The following MEGF11 variants were observed in gnomAD, a reference collection of about 807,000 sequenced individuals.
The protein encoded by MEGF11 is multiple EGF like domains 11.
In MEGF11, 126 loss-of-function variants were observed where a neutral mutation model predicts 146.6. The observed-to-expected ratio is 0.86, with a 90% CI of 0.74 to 1.00. The LOEUF is 1.00. Among genes scored for constraint, MEGF11 ranks in the 50% least tolerant of loss-of-function variants. MEGF11 has a pLI of 0.00. For missense variants in MEGF11, 1,509 were observed against 1,521.2 expected (o/e 0.99, Z 0.13); for synonymous variants, 532 against 583.4 (o/e 0.91, Z 1.27).
At chr15:66,078,004 C>T (rs1316746224) in intron 5 of MEGF11, among the ~76,000 whole-genome samples, 2 of 152,104 alleles carry the variant, frequency 1.3e-5, no homozygotes, top group African/African-American at 2.4e-5. Flanking sequence ...GCCCAATTGG[C>T]GTTTCAGTAG....
intron 5 of MEGF11, among the ~76,000 whole-genome samples, chr15:65,997,716 C>A (rs1268986935): frequency 3.3e-5 from 5 of 152,216 alleles, no homozygotes; most frequent in Non-Finnish European, 4.4e-5. Context: ...CAGTGTCTGG[C>A]ATATAGTAGA....
At chr15:66,182,986 C>T (rs553683850) in intron 1 of MEGF11, among the ~76,000 whole-genome samples, 119 of 152,224 alleles carry the variant, frequency 7.8e-4, no homozygotes, top group African/African-American at 2.7e-3. Context: ...AGCCGCATAT[C>T]GGATGTATGC....
intron 5 of MEGF11, among the ~76,000 whole-genome samples, chr15:66,005,818 A>G (rs889618253): frequency 3.3e-5 from 5 of 152,208 alleles, no homozygotes; most frequent in Non-Finnish European, 7.3e-5. Context: ...GTCAGAACCC[A>G]CACTCTAGCC....
intron 1 of MEGF11, among the ~76,000 whole-genome samples, chr15:66,220,526 GTTTTT>G (rs33968918): frequency 1.7e-5 from 2 of 115,128 alleles, no homozygotes; most frequent in Non-Finnish European, 3.5e-5. Context: ...GTTTCGTTGG[GTTTTT>G]TTTTTTTTTT....
intron 4 of MEGF11, among the ~76,000 whole-genome samples, chr15:66,108,004 T>C (rs2087180837): frequency 6.6e-6 from 1 of 152,040 alleles, no homozygotes; most frequent in Admixed American, 6.5e-5. Flanking sequence ...CCAGAGAATG[T>C]TAGGCTCCAC....
At chr15:65,970,074 A>T (rs2081252764) in intron 8 of MEGF11, among the ~76,000 whole-genome samples, 1 of 152,098 alleles carries the variant, frequency 6.6e-6, no homozygotes, top group African/African-American at 2.4e-5. Context: ...GTTTCATTCC[A>T]GGACATTGGC....
At chr15:65,901,319 C>G (rs754486647) in intron 24 of MEGF11, among the ~76,000 whole-genome samples, 15 of 151,570 alleles carry the variant, frequency 9.9e-5, no homozygotes, top group Middle Eastern at 3.4e-3. Context: ...GCACCTGCCT[C>G]AACTGCATAT....
At chr15:65,960,303 A>G (rs943555027) in intron 9 of MEGF11, among the ~76,000 whole-genome samples, 2 of 152,256 alleles carry the variant, frequency 1.3e-5, no homozygotes, top group Non-Finnish European at 2.9e-5. Context: ...AGCAATAAAA[A>G]TTGTAAATAT....
intron 1 of MEGF11, among the ~76,000 whole-genome samples, chr15:66,130,813 C>T (rs370948912): frequency 6.6e-5 from 10 of 151,840 alleles, no homozygotes; most frequent in African/African-American, 1.9e-4. Flanking sequence ...GAAGCCATCA[C>T]CACATGGGGG....
intron 1 of MEGF11, among the ~76,000 whole-genome samples, chr15:66,167,658 AAAAC>A (rs146994991): frequency 5.0e-4 from 76 of 151,194 alleles, no homozygotes; most frequent in Middle Eastern, 3.4e-3. Flanking sequence ...ACAAACAAAC[AAAAC>A]AAACAAACAA....
intron 1 of MEGF11, among the ~76,000 whole-genome samples, chr15:66,189,619 G>A (rs549719096): frequency 6.6e-6 from 1 of 152,276 alleles, no homozygotes; most frequent in Non-Finnish European, 1.5e-5. Context: ...CACCACTGGA[G>A]TCTCATCCTG....
At chr15:65,915,330 C>T in intron 19 of MEGF11, 140 bp downstream of exon 19, 4 of 1,164,762 alleles carry the variant, frequency 3.4e-6, no homozygotes, top group Non-Finnish European at 4.8e-6. Flanking sequence ...GGAGCCTCTG[C>T]AGCCCACCCT....
chr15:66,121,677 G>A (rs1159343079), intron 3 of MEGF11, among the ~76,000 whole-genome samples: 1 of 152,168 alleles, frequency 6.6e-6, no homozygotes, highest in Non-Finnish European at 1.5e-5. Flanking sequence ...GGTGAAAGGG[G>A]AAACCTTAAA....
intron 5 of MEGF11, among the ~76,000 whole-genome samples, chr15:66,029,505 G>A (rs1203470062): frequency 6.6e-6 from 1 of 152,208 alleles, no homozygotes; most frequent in African/African-American, 2.4e-5. Flanking sequence ...TCTCAAAAGT[G>A]TCCCATTTGG....
rs529680761 is a variant in MEGF11, at chr15:66,079,919, C to T, written c.394+14483G>A. On this transcript the variant is annotated intron_variant, in intron 5 of 25. Coordinates refer to ENST00000395614, the MANE Select transcript of MEGF11 (RefSeq NM_001385028.1). Reference sequence around the variant, plus strand: ...CTGGGCTCCCACAAGGGCGGGGCTCCCCAGCACCTGCTTCCTCCCCTTTCC... The same window carrying T: ...CTGGGCTCCCACAAGGGCGGGGCTCTCCAGCACCTGCTTCCTCCCCTTTCC... Among the ~76,000 whole-genome samples, 18 of 152,328 alleles carry T rather than the reference C, an allele frequency of 1.2e-4. No individual in the cohort carries two copies. The East Asian group carries it at 3.5e-3, about 29-fold the overall frequency.
Position 66,178,720 on chromosome 15 carries a change from G to A in MEGF11, c.-8-50309C>T, listed in dbSNP as rs375414111. Among the ~76,000 whole-genome samples the A allele has an allele frequency of 2.6e-5, 4 of 152,232 alleles. No individual in the cohort carries two copies. In the East Asian group the frequency reaches 5.8e-4, roughly 22 times the overall value. ...CCCAGGTATTCAGCTTGCCTCACCC[G>A]GGTCCTGGGTCCCAGCCCTTCAGAG... On this transcript the variant is annotated intron_variant, in intron 1 of 25. Transcript: ENST00000395614.
chr15:65,946,324 C>T (rs1418874967), intron 10 of MEGF11, among the ~76,000 whole-genome samples: 1 of 152,228 alleles, frequency 6.6e-6, no homozygotes, highest in African/African-American at 2.4e-5. Flanking sequence ...GGCTGAGATG[C>T]AAACTCAGGT....
chr15:66,246,026 C>T (rs139007203), intron 1 of MEGF11, among the ~76,000 whole-genome samples: 2,862 of 151,600 alleles, frequency 0.019, 90 homozygotes, highest in African/African-American at 0.067. Context: ...TTTGGGAGGC[C>T]GAGTGGGGTG....
rs533258040 is a variant in MEGF11 at position 66,060,486 on chromosome 15, G to A, written c.394+33916C>T. On this transcript the variant is annotated intron_variant, in intron 5 of 25. Transcript: ENST00000395614. The stretch of plus-strand genomic sequence containing the variant: ...CTCCATCCAGCCTCCACGCCTTTGC[G>A]CAGAAGCCTCCGAGGGATGTAGCCT... Among the ~76,000 whole-genome samples, 5 of 152,294 alleles carry A rather than the reference G, an allele frequency of 3.3e-5. No individual in the cohort carries two copies. In the South Asian group the frequency reaches 8.3e-4, roughly 25 times the overall value.
Sources: allele counts gnomAD v4.1 joint callset (sites outside exome capture counted in the v4.1 genomes callset), GRCh38; gene constraint gnomAD v4.1.1; transcripts MANE v1.5; gene names NCBI Gene and HGNC (gene_info 2026-07-23, HGNC 2026-07-21).